Variants in KIAA1217 observed in about 807,000 individuals in gnomAD.
KIAA1217 encodes the protein KIAA1217.
In KIAA1217, 88 loss-of-function variants were observed where a neutral mutation model predicts 163.9. That is an observed-to-expected ratio of 0.54 (90% confidence interval 0.45 to 0.64). The LOEUF is 0.64. Among genes scored for constraint, KIAA1217 ranks in the 30% least tolerant of loss-of-function variants. KIAA1217 has a pLI of 0.00. For synonymous variants in KIAA1217, 903 were observed against 923.1 expected (o/e 0.98, Z 0.39); for missense variants, 2,372 against 2,475.0 (o/e 0.96, Z 0.88).
intron 1 of KIAA1217, among the ~76,000 whole-genome samples, chr10:23,901,632 G>A (rs2131245468): frequency 6.6e-6 from 1 of 152,228 alleles, no homozygotes; most frequent in African/African-American, 2.4e-5. Flanking sequence ...TATTTGGCTA[G>A]GCATGGCGGC....
At chr10:23,735,099 G>A (rs185391355) in intron 1 of KIAA1217, among the ~76,000 whole-genome samples, 1 of 152,106 alleles carries the variant, frequency 6.6e-6, no homozygotes, top group East Asian at 1.9e-4. Flanking sequence ...TATGAATATT[G>A]CTATAGGTGT....
At chr10:24,205,783 A>AC (rs943491290), upstream of KIAA1217, among the ~76,000 whole-genome samples, 11 of 151,766 alleles carry the variant, frequency 7.2e-5, no homozygotes, top group Non-Finnish European at 1.6e-4. Flanking sequence ...AAAAAAAAAA[A>AC]GGAAAGAAGG....
At chr10:23,908,744 A>G (rs1385978330) in intron 1 of KIAA1217, among the ~76,000 whole-genome samples, 1 of 152,102 alleles carries the variant, frequency 6.6e-6, no homozygotes, top group East Asian at 1.9e-4. Context: ...AAAATCAAAA[A>G]ATAATAGATG....
At chr10:24,442,687 T>C (rs1010649050) in intron 5 of KIAA1217, among the ~76,000 whole-genome samples, 3 of 152,172 alleles carry the variant, frequency 2.0e-5, no homozygotes, top group Non-Finnish European at 4.4e-5. Context: ...CCTGTGTGTG[T>C]ATGCATGCAT....
intron 9 of KIAA1217, among the ~76,000 whole-genome samples, chr10:24,511,710 A>G (rs2069194698): frequency 6.6e-6 from 1 of 152,204 alleles, no homozygotes; most frequent in South Asian, 2.1e-4. Context: ...CTGGCTTTTA[A>G]TACCACAATA....
At chr10:24,396,924 G>C (rs1418801761) in intron 3 of KIAA1217, among the ~76,000 whole-genome samples, 1 of 152,090 alleles carries the variant, frequency 6.6e-6, no homozygotes, top group African/African-American at 2.4e-5. Flanking sequence ...CAGACTAAAG[G>C]CAGTGTGGAC....
intron 1 of KIAA1217, among the ~76,000 whole-genome samples, chr10:23,910,160 G>A (rs987660747): frequency 6.6e-6 from 1 of 151,958 alleles, no homozygotes; most frequent in African/African-American, 2.4e-5. Context: ...GGGCGTGGGG[G>A]CTGGGGAAGG....
rs377327153 is a variant in KIAA1217, at chr10:24,432,955, G to T, written c.554-40G>T. On this transcript the variant is annotated intron_variant, in intron 3 of 20. Transcript: ENST00000376454. ...TCAGCTTGTGCTGTGTGTCCCCTGAGTCTTGACCTGTGACTAATAACTGTT... is the reference window on the plus strand; with the variant it reads ...TCAGCTTGTGCTGTGTGTCCCCTGATTCTTGACCTGTGACTAATAACTGTT... The T allele has an allele frequency of 2.6e-6, 4 of 1,562,400 alleles. No homozygotes were observed. In the South Asian group the frequency reaches 4.5e-5, roughly 17 times the overall value.
At chr10:24,227,757 C>A (rs1298640465) in intron 2 of KIAA1217, among the ~76,000 whole-genome samples, 2 of 151,992 alleles carry the variant, frequency 1.3e-5, no homozygotes, top group Non-Finnish European at 2.9e-5. Context: ...TGGTCTCGAG[C>A]TCCTGGCCTC....
chr10:23,928,382 C>T (rs780299352), intron 1 of KIAA1217, among the ~76,000 whole-genome samples: 16 of 152,208 alleles, frequency 1.1e-4, no homozygotes, highest in Non-Finnish European at 1.5e-4. Flanking sequence ...TTTAGTTTTC[C>T]GTGGCATGAT....
intron 1 of KIAA1217, among the ~76,000 whole-genome samples, chr10:23,846,661 A>T (rs1331029652): frequency 6.6e-6 from 1 of 152,188 alleles, no homozygotes; most frequent in Non-Finnish European, 1.5e-5. Context: ...TTCTAAATAT[A>T]TATTCATGTC....
intron 1 of KIAA1217, among the ~76,000 whole-genome samples, chr10:23,864,253 T>C (rs1253831785): frequency 6.6e-6 from 1 of 151,942 alleles, no homozygotes; most frequent in Admixed American, 6.6e-5. Context: ...TGAAATGAAC[T>C]TACCTTGACA....
At chr10:23,747,557 A>C (rs1026277708) in intron 1 of KIAA1217, among the ~76,000 whole-genome samples, 4 of 152,204 alleles carry the variant, frequency 2.6e-5, no homozygotes, top group African/African-American at 9.6e-5. Context: ...GACTATCTGC[A>C]CCAAGATAGT....
chr10:23,835,397 C>A (rs1838396756), intron 1 of KIAA1217, among the ~76,000 whole-genome samples: 1 of 151,986 alleles, frequency 6.6e-6, no homozygotes, highest in African/African-American at 2.4e-5. Context: ...AAGGGGGAAC[C>A]CTCCTCAATC....
intron 1 of KIAA1217, among the ~76,000 whole-genome samples, chr10:23,746,396 A>G (rs562009346): frequency 7.9e-5 from 12 of 152,074 alleles, no homozygotes; most frequent in African/African-American, 2.9e-4. Context: ...TTTATAGATT[A>G]CCCAGCCTCA....
intron 5 of KIAA1217, among the ~76,000 whole-genome samples, chr10:24,463,267 T>A (rs1032512509): frequency 2.6e-5 from 4 of 152,220 alleles, no homozygotes; most frequent in Non-Finnish European, 5.9e-5. Flanking sequence ...TTGAGATCTT[T>A]AATCACTGTT....
At position 23,997,204 on chromosome 10, in the gene KIAA1217, A is replaced by T. The variant is rs536337944; in HGVS notation, c.-320-10021A>T. Among the ~76,000 whole-genome samples the T allele has an allele frequency of 9.6e-4, 146 of 152,336 alleles. 1 individual carries two copies. The highest frequency in any genetic ancestry group is 3.4e-3 in the African/African-American group (141 of 41,580). On this transcript the variant is annotated intron_variant, in intron 1 of 18. Coordinates refer to the KIAA1217 transcript ENST00000376462. The stretch of plus-strand genomic sequence containing the variant: ...CTTGCAGGAAGTTCTACTGTGAAAG[A>T]AGGATAAAAGAACTTAGTATTATTT...
At chr10:23,768,664 C>A (rs1459974363) in intron 1 of KIAA1217, among the ~76,000 whole-genome samples, 1 of 152,148 alleles carries the variant, frequency 6.6e-6, no homozygotes, top group Non-Finnish European at 1.5e-5. Context: ...TTTAATGGAG[C>A]AATTGGGCTT....
intron 5 of KIAA1217, among the ~76,000 whole-genome samples, chr10:24,440,859 G>A (rs1416603557): frequency 3.3e-5 from 5 of 152,226 alleles, no homozygotes; most frequent in Non-Finnish European, 2.9e-5. Flanking sequence ...GTGTGATCAT[G>A]CCTGCAGTTT....
Sources: gnomAD v4.1 joint callset for allele counts (sites outside exome capture counted in the v4.1 genomes callset) on GRCh38, gnomAD v4.1.1 for gene constraint, MANE v1.5 for transcripts, NCBI Gene and HGNC (gene_info 2026-07-23, HGNC 2026-07-21) for gene names.